The following CSMD3 variants were observed in gnomAD, a reference collection of about 807,000 sequenced individuals.
CSMD3 encodes CUB and Sushi multiple domains 3.
In CSMD3, 177 loss-of-function variants were observed where a neutral mutation model predicts 435.2. That is an observed-to-expected ratio of 0.41 (90% CI 0.36 to 0.46). The LOEUF (loss-of-function observed/expected upper bound fraction) is 0.46. CSMD3 is among the 20% of genes least tolerant of loss of function. The probability of loss-of-function intolerance (pLI) is 0.34; values close to 1 mark genes in which losing one functional copy is unlikely to be tolerated. For missense variants in CSMD3, 4,265 were observed against 4,504.6 expected (o/e 0.95, Z 1.52); for synonymous variants, 1,656 against 1,520.5 (o/e 1.09, Z -2.07).
At chr8:113,296,749 T>C (rs1238939985) in intron 2 of CSMD3, among the ~76,000 whole-genome samples, 1 of 152,158 alleles carries the variant, frequency 6.6e-6, no homozygotes, top group Non-Finnish European at 1.5e-5. Flanking sequence ...TTCCTCCTTC[T>C]GTTTCTTGGT....
chr8:112,276,609 A>C (rs548478865), intron 59 of CSMD3, among the ~76,000 whole-genome samples: 1 of 151,922 alleles, frequency 6.6e-6, no homozygotes, highest in South Asian at 2.1e-4. Flanking sequence ...GCAGTCTAGG[A>C]ATTTGGTGCC....
intron 6 of CSMD3, among the ~76,000 whole-genome samples, chr8:112,978,086 A>T (rs1228652409): frequency 6.6e-6 from 1 of 152,030 alleles, no homozygotes; most frequent in African/African-American, 2.4e-5. Context: ...TGACAGGAAT[A>T]TGAAATCAGA....
intron 5 of CSMD3, among the ~76,000 whole-genome samples, chr8:113,034,257 C>T (rs1474070012): frequency 6.6e-6 from 1 of 151,350 alleles, no homozygotes; most frequent in African/African-American, 2.4e-5. Context: ...CATAAATTTA[C>T]AGCAAAATTA....
chr8:113,138,543 T>C (rs2091471279), intron 4 of CSMD3, among the ~76,000 whole-genome samples: 1 of 151,454 alleles, frequency 6.6e-6, no homozygotes, highest in African/African-American at 2.4e-5. Flanking sequence ...TGAAGTAAGC[T>C]TTCTTAATAA....
chr8:113,016,976 T>C (rs1034565474), intron 6 of CSMD3, among the ~76,000 whole-genome samples: 1 of 151,972 alleles, frequency 6.6e-6, no homozygotes, highest in Non-Finnish European at 1.5e-5. Flanking sequence ...AAAGCAAGCC[T>C]AAATTAGGAA....
At chr8:112,725,489 T>C (rs1012047963) in intron 13 of CSMD3, among the ~76,000 whole-genome samples, 1 of 151,964 alleles carries the variant, frequency 6.6e-6, no homozygotes, top group Non-Finnish European at 1.5e-5. Flanking sequence ...TTCCTTTAAA[T>C]TGTCCCATAG....
chr8:112,338,488 A>G (rs1824788407), intron 42 of CSMD3, among the ~76,000 whole-genome samples: 1 of 152,174 alleles, frequency 6.6e-6, no homozygotes, highest in Non-Finnish European at 1.5e-5. Flanking sequence ...TAAAATATCA[A>G]TATTTGGAAC....
At chr8:113,239,655 T>G (rs2093191351) in intron 3 of CSMD3, among the ~76,000 whole-genome samples, 1 of 151,984 alleles carries the variant, frequency 6.6e-6, no homozygotes, top group South Asian at 2.1e-4. Context: ...TGGAAATGGG[T>G]AATGAGTAGG....
At chr8:112,935,135 C>A (rs1021389054) in intron 9 of CSMD3, among the ~76,000 whole-genome samples, 16 of 152,094 alleles carry the variant, frequency 1.1e-4, no homozygotes, top group South Asian at 6.2e-4. Flanking sequence ...ATTTTTCTGA[C>A]ACCATTTATT....
intron 16 of CSMD3, among the ~76,000 whole-genome samples, chr8:112,671,504 A>G (rs1374132893): frequency 6.6e-6 from 1 of 151,714 alleles, no homozygotes; most frequent in Non-Finnish European, 1.5e-5. Flanking sequence ...ATGCTTAAAA[A>G]CCTTCTCCCT....
At position 112,762,588 on chromosome 8, in the gene CSMD3, G is replaced by A. The variant is rs887837875; in HGVS notation, c.1972+37574C>T. ...TTGTAAAAAATACAATATGGCATAC[G>A]AAGAAGTTTGTACTTTATTATAGAA... is the stretch of plus-strand genomic sequence containing the variant. On this transcript the variant is annotated intron_variant, in intron 13 of 70. Coordinates refer to ENST00000297405, the MANE Select transcript of CSMD3 (RefSeq NM_198123.2). Among the ~76,000 whole-genome samples the A allele has an allele frequency of 4.0e-5, 6 of 151,884 alleles. 1 individual carries two copies. The highest frequency in any genetic ancestry group is 3.9e-4 in the Admixed American group (6 of 15,226).
At chr8:112,556,495 T>C (rs781349986) in intron 25 of CSMD3, among the ~76,000 whole-genome samples, 9 of 152,022 alleles carry the variant, frequency 5.9e-5, no homozygotes, top group Admixed American at 1.3e-4. Context: ...TTCCATTTTA[T>C]GTCGAGGTAG....
At chr8:112,431,641 C>T (rs764929797) in intron 32 of CSMD3, among the ~76,000 whole-genome samples, 1 of 151,980 alleles carries the variant, frequency 6.6e-6, no homozygotes, top group Non-Finnish European at 1.5e-5. Flanking sequence ...TATATGAAGG[C>T]CACCTTGAGC....
intron 5 of CSMD3, among the ~76,000 whole-genome samples, chr8:113,086,281 TC>T (rs1456698610): frequency 6.7e-6 from 1 of 149,164 alleles, no homozygotes; most frequent in Non-Finnish European, 1.5e-5. Flanking sequence ...AACCAGTACA[TC>T]AAAAATTCCT....
At chr8:112,276,315 C>T (rs149071849) in intron 59 of CSMD3, among the ~76,000 whole-genome samples, 179 of 152,322 alleles carry the variant, frequency 1.2e-3, no homozygotes, top group Non-Finnish European at 2.2e-3. Flanking sequence ...CACAGGCTGG[C>T]ATTGAGTAAC....
chr8:112,641,583 TC>T (rs1391559492), intron 20 of CSMD3, among the ~76,000 whole-genome samples: 1 of 152,132 alleles, frequency 6.6e-6, no homozygotes, highest in Non-Finnish European at 1.5e-5. Context: ...ACACCTGTAA[TC>T]CCAGCACTTT....
intron 59 of CSMD3, among the ~76,000 whole-genome samples, chr8:112,267,673 A>G (rs1817076492): frequency 6.6e-6 from 1 of 152,198 alleles, no homozygotes; most frequent in Non-Finnish European, 1.5e-5. Flanking sequence ...GCCTGGTCAC[A>G]GGGCACATGA....
At chr8:112,271,660 T>A (rs1030715869) in intron 59 of CSMD3, among the ~76,000 whole-genome samples, 3 of 152,170 alleles carry the variant, frequency 2.0e-5, no homozygotes, top group African/African-American at 7.2e-5. Context: ...TTTATTTGAA[T>A]GTGAAATAAA....
At chr8:113,425,064 G>A (rs2094628415) in intron 1 of CSMD3, among the ~76,000 whole-genome samples, 1 of 151,544 alleles carries the variant, frequency 6.6e-6, no homozygotes, top group African/African-American at 2.4e-5. Context: ...CTAGGCAAGA[G>A]TCTGATACAT....
Sources: gnomAD v4.1 joint callset for allele counts (sites outside exome capture counted in the v4.1 genomes callset) on GRCh38, gnomAD v4.1.1 for gene constraint, MANE v1.5 for transcripts, NCBI Gene and HGNC (gene_info 2026-07-23, HGNC 2026-07-21) for gene names.